PTPRR: variants seen among roughly 807,000 people sequenced by gnomAD.
PTPRR encodes receptor-type tyrosine-protein phosphatase R.
Under a neutral mutation model 77.2 loss-of-function variants are expected in PTPRR, and 38 were observed. The observed-to-expected ratio is 0.49, with a 90% CI of 0.38 to 0.65. The LOEUF (loss-of-function observed/expected upper bound fraction) is 0.65. Among genes scored for constraint, PTPRR ranks in the 30% least tolerant of loss-of-function variants. The pLI is 0.00. For synonymous variants in PTPRR, 299 were observed against 283.1 expected (o/e 1.06, Z -0.57); for missense variants, 744 against 799.2 (o/e 0.93, Z 0.83).
At chr12:70,718,226 T>C (rs547952994) in intron 6 of PTPRR, among the ~76,000 whole-genome samples, 1 of 152,282 alleles carries the variant, frequency 6.6e-6, no homozygotes, top group African/African-American at 2.4e-5. Flanking sequence ...CTGGAAGCTA[T>C]ACTTCTAAGA....
chr12:70,769,048 A>G (rs1257409668), intron 2 of PTPRR, among the ~76,000 whole-genome samples: 1 of 139,860 alleles, frequency 7.2e-6, no homozygotes, highest in Non-Finnish European at 1.5e-5. Flanking sequence ...CCCACAGCCA[A>G]TATCATACTG....
At chr12:70,766,681 T>C (rs1322604091) in intron 2 of PTPRR, among the ~76,000 whole-genome samples, 1 of 150,956 alleles carries the variant, frequency 6.6e-6, no homozygotes, top group Non-Finnish European at 1.5e-5. Flanking sequence ...AAGATACTCC[T>C]CGAGAAGAGC....
chr12:70,677,552 A>C (rs993304459), intron 10 of PTPRR, among the ~76,000 whole-genome samples: 1 of 152,196 alleles, frequency 6.6e-6, no homozygotes, highest in African/African-American at 2.4e-5. Flanking sequence ...GGCTTGTCAT[A>C]TATGGACTTT....
At chr12:70,750,931 G>T (rs1257680322) in intron 5 of PTPRR, among the ~76,000 whole-genome samples, 1 of 150,712 alleles carries the variant, frequency 6.6e-6, no homozygotes, top group African/African-American at 2.4e-5. Context: ...GTAAAGACAG[G>T]GTCTCACTGT....
intron 2 of PTPRR, among the ~76,000 whole-genome samples, chr12:70,833,420 C>G (rs184576281): frequency 6.6e-6 from 1 of 152,134 alleles, no homozygotes; most frequent in East Asian, 1.9e-4. Context: ...TAGTTTTGTG[C>G]TTGTTAGACA....
intron 2 of PTPRR, among the ~76,000 whole-genome samples, chr12:70,772,815 A>G (rs1306931668): frequency 6.6e-6 from 1 of 152,162 alleles, no homozygotes; most frequent in African/African-American, 2.4e-5. Context: ...GTATATAGAA[A>G]GCTATATCAA....
rs1255513077 is a variant in PTPRR, at chr12:70,754,264, A to T, written c.665T>A (p.Ile222Asn). 4.3e-6 allele frequency: 7 copies of T among 1,613,660 alleles called. No homozygotes were observed. The highest frequency in any genetic ancestry group is 5.1e-6 in the Non-Finnish European group (6 of 1,179,828). ...AGCATAAAATCCTTCTTTGCTCCAG[A>T]TTTTGTCCGCTTCATGCTGCCCTTG... is the stretch of plus-strand genomic sequence containing the variant. ...VLQGQHEADK[I>N]WSKEGFYAVV... The change falls in exon 5 of 14, where the codon ATC (isoleucine) becomes AAC (asparagine). Residue 222 changes from isoleucine to asparagine, a missense_variant. By Grantham distance (149) the Ile-to-Asn change is moderately radical. Transcript: ENST00000283228.
In PTPRR at chr12:70,826,751, C is replaced by T. The variant is rs147873597; in HGVS notation, c.358-61973G>A. 7.9e-5 allele frequency among the ~76,000 whole-genome samples: 12 copies of T among 152,250 alleles called. No homozygotes were observed. In the East Asian group the frequency reaches 1.4e-3, roughly 17 times the overall value. ...TATGGCGTTCACTAGTCCTTTGCTC[C>T]GGATAATGTCAATACTCTGCCAAGA... On this transcript the variant is annotated intron_variant, in intron 2 of 13. Coordinates refer to ENST00000283228, the MANE Select transcript of PTPRR (RefSeq NM_002849.4).
chr12:70,650,280 T>C (rs985367115), intron 13 of PTPRR, among the ~76,000 whole-genome samples: 14 of 151,852 alleles, frequency 9.2e-5, no homozygotes, highest in Non-Finnish European at 2.1e-4. Flanking sequence ...CTGCCTCTAC[T>C]AAAAATACAA....
At chr12:70,701,107 T>C in intron 7 of PTPRR, 30 bp downstream of exon 7, 1 of 1,611,786 alleles carries the variant, frequency 6.2e-7, no homozygotes, top group Non-Finnish European at 8.5e-7. Flanking sequence ...AAATACCGAC[T>C]GAAGAGTGAA....
At chr12:70,737,523 T>TATC (rs1251067632) in intron 6 of PTPRR, among the ~76,000 whole-genome samples, 1 of 151,850 alleles carries the variant, frequency 6.6e-6, no homozygotes, top group Non-Finnish European at 1.5e-5. Flanking sequence ...TCTATCTATC[T>TATC]ATCTATCTAT....
At chr12:70,861,253 A>G (rs937109163) in intron 2 of PTPRR, among the ~76,000 whole-genome samples, 2 of 152,122 alleles carry the variant, frequency 1.3e-5, no homozygotes, top group Admixed American at 1.3e-4. Context: ...ATTCCAGCTA[A>G]GGAGAAAGAC....
At chr12:70,763,902 A>G (rs12305448) in intron 3 of PTPRR, among the ~76,000 whole-genome samples, 192 of 152,270 alleles carry the variant, frequency 1.3e-3, no homozygotes, top group African/African-American at 4.3e-3. Flanking sequence ...ATGTAGTTGC[A>G]TGAAATCCAG....
At chr12:70,912,401 A>C (rs2137137731) in intron 1 of PTPRR, among the ~76,000 whole-genome samples, 1 of 152,318 alleles carries the variant, frequency 6.6e-6, no homozygotes, top group Non-Finnish European at 1.5e-5. Flanking sequence ...CTTTCCAAAG[A>C]ATCAGTAGTT....
At chr12:70,663,626 C>T (rs1886875031) in intron 10 of PTPRR, among the ~76,000 whole-genome samples, 1 of 152,090 alleles carries the variant, frequency 6.6e-6, no homozygotes, top group African/African-American at 2.4e-5. Context: ...TACATATAAT[C>T]TCATTTTGCT....
chr12:70,896,138 C>T (rs1893423853), intron 1 of PTPRR, among the ~76,000 whole-genome samples: 1 of 151,460 alleles, frequency 6.6e-6, no homozygotes, highest in South Asian at 2.1e-4. Context: ...TAAAGAGGGA[C>T]ATTACATAAT....
intron 8 of PTPRR, among the ~76,000 whole-genome samples, chr12:70,688,299 T>TAC (rs1451772557): frequency 1.3e-5 from 2 of 152,114 alleles, no homozygotes; most frequent in African/African-American, 4.8e-5. Flanking sequence ...TTATAAATCA[T>TAC]ACCTTAAGAA....
chr12:70,642,056 CCTT>C (rs1886023224), intron 13 of PTPRR, among the ~76,000 whole-genome samples: 1 of 152,048 alleles, frequency 6.6e-6, no homozygotes, highest in Non-Finnish European at 1.5e-5. Flanking sequence ...AGTTGTGTCT[CCTT>C]CTGATGAGAT....
chr12:70,651,450 TC>T (rs1347699831), intron 13 of PTPRR, among the ~76,000 whole-genome samples: 2 of 152,232 alleles, frequency 1.3e-5, no homozygotes, highest in African/African-American at 4.8e-5. Flanking sequence ...CATTTTAGCA[TC>T]CTCCATAGAT....
Sources: allele counts gnomAD v4.1 joint callset (sites outside exome capture counted in the v4.1 genomes callset), GRCh38; gene constraint gnomAD v4.1.1; transcripts MANE v1.5; gene names NCBI Gene and HGNC (gene_info 2026-07-23, HGNC 2026-07-21).